Variants in ERC2 observed in about 807,000 individuals in gnomAD.
ERC2 encodes ERC protein 2.
In ERC2, 42 loss-of-function variants were observed where a neutral mutation model predicts 114.8. That is an observed-to-expected ratio of 0.37 (90% CI 0.29 to 0.47). The LOEUF (loss-of-function observed/expected upper bound fraction) is 0.47, where lower values mean the gene tolerates loss of function less well. Among genes scored for constraint, ERC2 ranks in the 20% least tolerant of loss-of-function variants. The pLI is 0.99. For synonymous variants in ERC2, 454 were observed against 425.5 expected, an observed-to-expected ratio of 1.07 and a Z score of -0.82; for missense variants, 939 against 1,150.7, an observed-to-expected ratio of 0.82 and a Z score of 2.66.
chr3:55,840,224 C>G (rs1306607589), intron 14 of ERC2, among the ~76,000 whole-genome samples: 1 of 151,902 alleles, frequency 6.6e-6, no homozygotes, highest in Non-Finnish European at 1.5e-5. Flanking sequence ...ATTTATAAAT[C>G]ACATGTGTAA....
rs565713478 is a variant in ERC2 at position 56,189,636 on chromosome 3, T to TC, written c.1075-16117dup. On this transcript the variant is annotated intron_variant, in intron 3 of 17. Coordinates refer to ENST00000288221, the MANE Select transcript of ERC2 (RefSeq NM_015576.3). ...CTCACAGTGAACAAGTCCGGGCCAA[T>TC]CCCCCTAGAGAATTGCCTTCTGTGA... Among the ~76,000 whole-genome samples the TC allele has an allele frequency of 8.5e-5, 13 of 152,264 alleles. No homozygotes were observed. The South Asian group carries it at 2.5e-3, about 29-fold the overall frequency.
chr3:55,576,724 A>G (rs954967542), intron 17 of ERC2, among the ~76,000 whole-genome samples: 2 of 152,234 alleles, frequency 1.3e-5, no homozygotes, highest in Non-Finnish European at 2.9e-5. Context: ...CTGTATCTTT[A>G]TGGCCTGGGC....
At chr3:56,426,301 C>T (rs556154346) in intron 2 of ERC2, among the ~76,000 whole-genome samples, 4 of 152,304 alleles carry the variant, frequency 2.6e-5, no homozygotes, top group Admixed American at 1.3e-4. Context: ...AAGGCCCAGA[C>T]GTGGAAGGAA....
At chr3:55,799,627 T>C (rs750622371) in intron 14 of ERC2, among the ~76,000 whole-genome samples, 2 of 151,752 alleles carry the variant, frequency 1.3e-5, no homozygotes, top group Non-Finnish European at 2.9e-5. Context: ...TACTTTCCTA[T>C]AGGAATGGAG....
At chr3:55,786,587 T>C (rs1470051003) in intron 14 of ERC2, among the ~76,000 whole-genome samples, 2 of 152,214 alleles carry the variant, frequency 1.3e-5, no homozygotes, top group East Asian at 3.8e-4. Flanking sequence ...ACCTTCCCAA[T>C]AAGCCTATTG....
intron 15 of ERC2, among the ~76,000 whole-genome samples, chr3:55,705,290 A>G (rs1194597865): frequency 6.6e-6 from 1 of 152,100 alleles, no homozygotes; most frequent in Non-Finnish European, 1.5e-5. Flanking sequence ...CTATAGGTAT[A>G]AGGAGAGTAC....
At chr3:55,892,044 C>G (rs62253664) in intron 13 of ERC2, among the ~76,000 whole-genome samples, 1 of 152,120 alleles carries the variant, frequency 6.6e-6, no homozygotes, top group African/African-American at 2.4e-5. Context: ...GCTCCTTCAT[C>G]TTTCTCAGCT....
chr3:55,940,852 C>T (rs2066741757), intron 13 of ERC2, among the ~76,000 whole-genome samples: 1 of 152,138 alleles, frequency 6.6e-6, no homozygotes, highest in African/African-American at 2.4e-5. Flanking sequence ...CAAGTTTATG[C>T]CACCTAATTT....
intron 13 of ERC2, among the ~76,000 whole-genome samples, chr3:55,899,557 T>C (rs1241761289): frequency 6.6e-6 from 1 of 152,058 alleles, no homozygotes; most frequent in Non-Finnish European, 1.5e-5. Flanking sequence ...ACAAAGAAAT[T>C]AAATAATAAA....
chr3:55,818,332 G>A (rs1176591612), intron 14 of ERC2, among the ~76,000 whole-genome samples: 1 of 152,150 alleles, frequency 6.6e-6, no homozygotes, highest in Non-Finnish European at 1.5e-5. Context: ...GTCTGAAATA[G>A]TCAATAAATC....
Position 56,456,783 on chromosome 3 carries a change from C to T in ERC2, c.-141+11465G>A, listed in dbSNP as rs80325823. On this transcript the variant is annotated intron_variant, in intron 1 of 17. Transcript: ENST00000288221. ...AATTCAAGAAATATTCAGGTGATTGCACAAACTGTTGTACAAATATGGTGA... is the reference window on the plus strand; with the variant it reads ...AATTCAAGAAATATTCAGGTGATTGTACAAACTGTTGTACAAATATGGTGA... 7.6e-3 allele frequency among the ~76,000 whole-genome samples: 1,153 copies of T among 152,266 alleles called. 12 individuals are homozygous for T. Among genetic ancestry groups the T allele is most frequent in the African/African-American group, 0.026 (1,080 of 41,536 alleles).
At chr3:56,413,760 C>G (rs2061034437) in intron 2 of ERC2, among the ~76,000 whole-genome samples, 1 of 152,218 alleles carries the variant, frequency 6.6e-6, no homozygotes, top group African/African-American at 2.4e-5. Flanking sequence ...TCCTAACACT[C>G]TTCTGAATGA....
At chr3:55,865,612 C>T (rs2062273991) in intron 14 of ERC2, among the ~76,000 whole-genome samples, 1 of 152,044 alleles carries the variant, frequency 6.6e-6, no homozygotes, top group Non-Finnish European at 1.5e-5. Flanking sequence ...TACCAGTCAC[C>T]TCTCTCACTC....
At chr3:55,655,970 G>C (rs2060841664) in intron 17 of ERC2, among the ~76,000 whole-genome samples, 1 of 152,204 alleles carries the variant, frequency 6.6e-6, no homozygotes, top group Non-Finnish European at 1.5e-5. Context: ...GAGCCTTAAA[G>C]AGTTGGAAAA....
chr3:55,517,590 T>G (rs931562369), intron 17 of ERC2, among the ~76,000 whole-genome samples: 1 of 152,246 alleles, frequency 6.6e-6, no homozygotes, highest in Non-Finnish European at 1.5e-5. Context: ...AAAGTGCTTG[T>G]TCACAGAACA....
chr3:55,988,540 T>G (rs542934993), intron 11 of ERC2, among the ~76,000 whole-genome samples: 18 of 152,332 alleles, frequency 1.2e-4, no homozygotes, highest in African/African-American at 4.1e-4. Context: ...GAATAGAAAG[T>G]AAACACATAC....
intron 13 of ERC2, among the ~76,000 whole-genome samples, chr3:55,892,967 G>A (rs1336108288): frequency 6.6e-6 from 1 of 152,098 alleles, no homozygotes; most frequent in Non-Finnish European, 1.5e-5. Context: ...TTTGGGAAAT[G>A]ATTAGGTCAT....
chr3:55,875,209 T>G (rs2062770620), intron 14 of ERC2, among the ~76,000 whole-genome samples: 1 of 152,192 alleles, frequency 6.6e-6, no homozygotes, highest in African/African-American at 2.4e-5. Context: ...CCAAGAAAAC[T>G]TCCAGAGGCA....
chr3:56,137,026 CTT>C (rs1434167224), intron 6 of ERC2, among the ~76,000 whole-genome samples: 1 of 152,128 alleles, frequency 6.6e-6, no homozygotes, highest in East Asian at 1.9e-4. Flanking sequence ...TCACCACTGT[CTT>C]TTTCATGAAA....
Sources: gnomAD v4.1 joint callset for allele counts (sites outside exome capture counted in the v4.1 genomes callset) on GRCh38, gnomAD v4.1.1 for gene constraint, MANE v1.5 for transcripts, NCBI Gene and HGNC (gene_info 2026-07-23, HGNC 2026-07-21) for gene names.